Variants in TMTC1 observed in about 807,000 individuals in gnomAD.
TMTC1 encodes the protein protein O-mannosyl-transferase TMTC1.
Under a neutral mutation model 104.8 loss-of-function variants are expected in TMTC1, and 73 were observed. The observed-to-expected ratio is 0.70, with a 90% confidence interval of 0.58 to 0.85. TMTC1 has a LOEUF of 0.85. Ranked by LOEUF, TMTC1 falls within the 40% of genes least tolerant of loss-of-function variation. The pLI is 0.00. For missense variants in TMTC1, 1,035 were observed against 1,096.1 expected (o/e 0.94, Z 0.79); for synonymous variants, 434 against 428.7 (o/e 1.01, Z -0.15).
At chr12:29,513,359 C>G (rs1013247664) in intron 16 of TMTC1, among the ~76,000 whole-genome samples, 2 of 151,840 alleles carry the variant, frequency 1.3e-5, no homozygotes, top group East Asian at 1.9e-4. Flanking sequence ...CATACATATT[C>G]ACAATTAAGT....
chr12:29,518,618 T>C lies in TMTC1; in HGVS notation c.1889-11A>G. On this transcript the variant is annotated splice_polypyrimidine_tract_variant and intron_variant, in intron 12 of 17. Transcript: ENST00000539277. ...CCTTTTCTGGTAAGCCTGTAACCAG[T>C]GACAGGTTGGTAAGAGCAGAACATG... 1 of 1,613,718 alleles carries C rather than the reference T, an allele frequency of 6.2e-7. No homozygotes were observed. The highest frequency in any genetic ancestry group is 8.5e-7 in the Non-Finnish European group (1 of 1,179,734).
chr12:29,767,347 T>C (rs998191977), intron 2 of TMTC1, among the ~76,000 whole-genome samples: 6 of 152,232 alleles, frequency 3.9e-5, no homozygotes, highest in African/African-American at 7.2e-5. Context: ...TAAGTCTGTC[T>C]TTCTAACTTG....
chr12:29,556,278 C>T (rs1945244107), intron 10 of TMTC1, among the ~76,000 whole-genome samples: 1 of 152,190 alleles, frequency 6.6e-6, no homozygotes, highest in East Asian at 1.9e-4. Flanking sequence ...TTCCTAAGCA[C>T]CAAAGTCATC....
At chr12:29,535,327 C>T (rs1944612916) in intron 11 of TMTC1, 1 of 152,128 alleles carries the variant, frequency 6.6e-6, no homozygotes, top group African/African-American at 2.4e-5. Context: ...ATCTAAAGCC[C>T]GCCTATCCTA....
At chr12:29,540,057 T>C (rs1379833562) in intron 10 of TMTC1, among the ~76,000 whole-genome samples, 4 of 152,132 alleles carry the variant, frequency 2.6e-5, no homozygotes, top group African/African-American at 9.7e-5. Flanking sequence ...ATATTTCAGT[T>C]TTTTTTTCTA....
At chr12:29,683,636 C>A (rs780543873) in intron 5 of TMTC1, among the ~76,000 whole-genome samples, 1 of 152,042 alleles carries the variant, frequency 6.6e-6, no homozygotes, top group Non-Finnish European at 1.5e-5. Flanking sequence ...CTGCTAAATG[C>A]GACTGTATAA....
In TMTC1 at chr12:29,718,679, A is replaced by G. The variant is rs144983517; in HGVS notation, c.938+32987T>C. Among the ~76,000 whole-genome samples the G allele has an allele frequency of 5.5e-3, 844 of 152,314 alleles. 4 individuals carry two copies. The highest frequency in any genetic ancestry group is 0.017 in the Middle Eastern group (5 of 294). On this transcript the variant is annotated intron_variant, in intron 5 of 17. Transcript: ENST00000539277. ...ATTAAGAATCTCTATCACACCTGTA[A>G]TTCCAGCACTTTGGGAGGCTGAGGT...
intron 1 of TMTC1, among the ~76,000 whole-genome samples, chr12:29,770,452 A>G (rs1196852783): frequency 6.6e-6 from 1 of 152,178 alleles, no homozygotes. Flanking sequence ...GTTGGCTTAA[A>G]TTTAATAACA....
chr12:29,654,748 T>C (rs1231807517), intron 5 of TMTC1, among the ~76,000 whole-genome samples: 1 of 151,460 alleles, frequency 6.6e-6, no homozygotes, highest in Non-Finnish European at 1.5e-5. Flanking sequence ...ATGTATGGTA[T>C]AGCCATATAA....
At chr12:29,616,956 T>G (rs922074706) in intron 6 of TMTC1, among the ~76,000 whole-genome samples, 1 of 152,162 alleles carries the variant, frequency 6.6e-6, no homozygotes. Flanking sequence ...GGTCGTCTTA[T>G]AACTTTATTC....
intron 5 of TMTC1, among the ~76,000 whole-genome samples, chr12:29,670,103 A>AAG: frequency 6.6e-6 from 1 of 152,378 alleles, no homozygotes; most frequent in East Asian, 1.9e-4. Context: ...TGCAATACAC[A>AAG]TTTGTGTAAG....
intron 5 of TMTC1, among the ~76,000 whole-genome samples, chr12:29,708,252 TACTGTGCCTGGC>T (rs1470135693): frequency 6.6e-6 from 1 of 152,242 alleles, no homozygotes; most frequent in African/African-American, 2.4e-5. Flanking sequence ...TTTACTCTGG[TACTGTGCCTGGC>T]ACAAGATTTT....
intron 11 of TMTC1, among the ~76,000 whole-genome samples, chr12:29,525,963 A>G (rs1329252786): frequency 6.6e-6 from 1 of 152,202 alleles, no homozygotes; most frequent in Non-Finnish European, 1.5e-5. Context: ...TTTAGCTACT[A>G]TTACAGCCAT....
intron 9 of TMTC1, among the ~76,000 whole-genome samples, chr12:29,564,195 A>C: frequency 6.6e-6 from 1 of 152,224 alleles, no homozygotes; most frequent in East Asian, 1.9e-4. Context: ...TGACCAGTCA[A>C]GTTTGAGGTG....
chr12:29,709,596 G>GA (rs1941843332), intron 5 of TMTC1, among the ~76,000 whole-genome samples: 1 of 151,464 alleles, frequency 6.6e-6, no homozygotes, highest in Admixed American at 6.6e-5. Context: ...TAAATAAACA[G>GA]AAAAAACTGG....
chr12:29,600,249 C>T (rs1413389857), intron 7 of TMTC1, among the ~76,000 whole-genome samples: 3 of 152,036 alleles, frequency 2.0e-5, no homozygotes, highest in East Asian at 1.9e-4. Flanking sequence ...TAAAATCCTC[C>T]GTGGCTCTGG....
intron 2 of TMTC1, among the ~76,000 whole-genome samples, chr12:29,761,416 A>G (rs1943345905): frequency 6.6e-6 from 1 of 152,254 alleles, no homozygotes; most frequent in African/African-American, 2.4e-5. Context: ...GTGAAAAATT[A>G]GTGACTCTGG....
chr12:29,566,568 C>G (rs1945522644), intron 9 of TMTC1, among the ~76,000 whole-genome samples: 1 of 152,128 alleles, frequency 6.6e-6, no homozygotes, highest in Non-Finnish European at 1.5e-5. Context: ...GTATTGAGAA[C>G]AGACTGAAGG....
At chr12:29,671,335 A>T (rs200306839) in intron 5 of TMTC1, among the ~76,000 whole-genome samples, 3 of 86,698 alleles carry the variant, frequency 3.5e-5, no homozygotes, top group Admixed American at 2.9e-4. Flanking sequence ...AATAAATAAA[A>T]GAAATAAACA....
Sources: gnomAD v4.1 joint callset for allele counts (sites outside exome capture counted in the v4.1 genomes callset) on GRCh38, gnomAD v4.1.1 for gene constraint, MANE v1.5 for transcripts, NCBI Gene and HGNC (gene_info 2026-07-23, HGNC 2026-07-21) for gene names.